SNTB1: variants seen among roughly 807,000 people sequenced by gnomAD.
The protein encoded by SNTB1 is syntrophin beta 1.
SNTB1 carries 36 observed loss-of-function variants against 48.9 expected under a neutral mutation model. The observed-to-expected ratio is 0.74, with a 90% CI of 0.56 to 0.97. The LOEUF is 0.97. SNTB1 is among the 50% of genes least tolerant of loss of function. The pLI is 0.00. For synonymous variants in SNTB1, 299 were observed against 294.6 expected (o/e 1.01, Z -0.15); for missense variants, 786 against 703.4 (o/e 1.12, Z -1.33).
At chr8:120,665,614 T>G (rs2129765199) in intron 2 of SNTB1, among the ~76,000 whole-genome samples, 1 of 152,320 alleles carries the variant, frequency 6.6e-6, no homozygotes, top group Non-Finnish European at 1.5e-5. Context: ...CTTTAGTTAT[T>G]GTGTTTTTGG....
chr8:120,618,206 A>C (rs1380231447), intron 3 of SNTB1, among the ~76,000 whole-genome samples: 1 of 152,154 alleles, frequency 6.6e-6, no homozygotes, highest in Non-Finnish European at 1.5e-5. Context: ...TATGGAAATA[A>C]ATTATAGCAT....
chr8:120,563,339 A>G (rs1815694405), intron 4 of SNTB1, among the ~76,000 whole-genome samples: 1 of 152,096 alleles, frequency 6.6e-6, no homozygotes, highest in Non-Finnish European at 1.5e-5. Context: ...TGGCTAAGCA[A>G]AAAATGTTCT....
At chr8:120,632,371 T>TA in intron 3 of SNTB1, 73 bp downstream of exon 3, 1 of 1,328,762 alleles carries the variant, frequency 7.5e-7, no homozygotes, top group East Asian at 2.4e-5. Context: ...TGGGATGAGA[T>TA]AGTTTTAGTG....
intron 2 of SNTB1, among the ~76,000 whole-genome samples, chr8:120,663,964 C>T (rs567582266): frequency 1.8e-4 from 27 of 152,140 alleles, no homozygotes; most frequent in Non-Finnish European, 3.4e-4. Flanking sequence ...AAATACTGAA[C>T]TCAAAAATTA....
intron 1 of SNTB1, among the ~76,000 whole-genome samples, chr8:120,780,215 CCTT>C (rs1819811341): frequency 6.6e-6 from 1 of 152,198 alleles, no homozygotes; most frequent in Non-Finnish European, 1.5e-5. Context: ...AAACACAACT[CCTT>C]CTACATTTCT....
chr8:120,684,812 A>C (rs1818000742), intron 2 of SNTB1, among the ~76,000 whole-genome samples: 1 of 151,688 alleles, frequency 6.6e-6, no homozygotes, highest in Non-Finnish European at 1.5e-5. Flanking sequence ...CTGCCACCAC[A>C]CCCAGCTAAT....
intron 1 of SNTB1, among the ~76,000 whole-genome samples, chr8:120,740,920 C>T (rs778594824): frequency 6.6e-6 from 1 of 152,172 alleles, no homozygotes; most frequent in Non-Finnish European, 1.5e-5. Context: ...TGATGACAGC[C>T]ATTTCACAGA....
intron 2 of SNTB1, among the ~76,000 whole-genome samples, chr8:120,672,335 T>TACC (rs1817772482): frequency 6.6e-6 from 1 of 152,236 alleles, no homozygotes; most frequent in African/African-American, 2.4e-5. Flanking sequence ...TTTAAAGTGA[T>TACC]ACCCTAGAGC....
chr8:120,808,991 C>T (rs1293003894), intron 1 of SNTB1, among the ~76,000 whole-genome samples: 1 of 152,182 alleles, frequency 6.6e-6, no homozygotes, highest in Non-Finnish European at 1.5e-5. Context: ...TTCAAAGCCT[C>T]TCCTATGTAG....
intron 1 of SNTB1, among the ~76,000 whole-genome samples, chr8:120,806,884 A>G (rs913744551): frequency 2.0e-5 from 3 of 152,156 alleles, no homozygotes; most frequent in Admixed American, 6.5e-5. Flanking sequence ...TATTCCAGAA[A>G]ATCACTGCCC....
At chr8:120,727,655 A>G (rs1265683310) in intron 1 of SNTB1, among the ~76,000 whole-genome samples, 4 of 152,230 alleles carry the variant, frequency 2.6e-5, no homozygotes, top group Admixed American at 2.0e-4. Flanking sequence ...GTTGAAATTT[A>G]GCCAAACTAC....
chr8:120,599,660 C>G (rs72680589), intron 3 of SNTB1, among the ~76,000 whole-genome samples: 2,889 of 152,134 alleles, frequency 0.019, 45 homozygotes, highest in Non-Finnish European at 0.034. Flanking sequence ...ACCCTGAAAT[C>G]TATAATTTGA....
intron 2 of SNTB1, among the ~76,000 whole-genome samples, chr8:120,686,561 G>A (rs113496807): frequency 6.7e-5 from 10 of 148,766 alleles, no homozygotes; most frequent in East Asian, 4.2e-4. Flanking sequence ...ACATTATTAC[G>A]TTAAAGATTA....
chr8:120,739,336 T>C (rs1819004799), intron 1 of SNTB1, among the ~76,000 whole-genome samples: 1 of 152,192 alleles, frequency 6.6e-6, no homozygotes, highest in Admixed American at 6.5e-5. Context: ...TATTTGAGCC[T>C]TTCTGTGGAA....
intron 2 of SNTB1, chr8:120,635,787 AG>A (rs1817065207): frequency 4.5e-6 from 1 of 222,020 alleles, no homozygotes; most frequent in South Asian, 9.3e-5. Context: ...TTTTGATGCC[AG>A]GGTTGCTTTT....
At chr8:120,559,468 G>A (rs1053049288) in intron 4 of SNTB1, among the ~76,000 whole-genome samples, 9 of 152,184 alleles carry the variant, frequency 5.9e-5, no homozygotes, top group Non-Finnish European at 1.3e-4. Flanking sequence ...AATGCCCAAT[G>A]TGATGAATTC....
At position 120,634,852 on chromosome 8, in the gene SNTB1, A is replaced by ATT. The variant is rs11347235; in HGVS notation, c.789-2203_789-2202dup. On this transcript the variant is annotated intron_variant, in intron 2 of 6. Transcript: ENST00000517992. ...GGAACTTTAGCCATAATTAGTATTC[A>ATT]TTTTTTTTTTTTTTTTTGAGACGGA... 3.8e-3 allele frequency among the ~76,000 whole-genome samples: 535 copies of ATT among 139,216 alleles called. 5 individuals are homozygous for ATT. Among genetic ancestry groups the ATT allele is most frequent in the African/African-American group, 0.012 (446 of 37,724 alleles). The allele number at this position is 139,216 out of a possible 152,430, so 91.3% of individuals were successfully genotyped here.
At chr8:120,685,698 C>G (rs1430582844) in intron 2 of SNTB1, among the ~76,000 whole-genome samples, 1 of 152,218 alleles carries the variant, frequency 6.6e-6, no homozygotes, top group Non-Finnish European at 1.5e-5. Flanking sequence ...CTCCAGAACA[C>G]ATTTTTTTCA....
At chr8:120,743,377 C>T (rs1214341330) in intron 1 of SNTB1, among the ~76,000 whole-genome samples, 4 of 152,088 alleles carry the variant, frequency 2.6e-5, no homozygotes, top group Non-Finnish European at 5.9e-5. Flanking sequence ...ACACCCTTTC[C>T]TTTGTTTCTT....
Sources: gnomAD v4.1 joint callset for allele counts (sites outside exome capture counted in the v4.1 genomes callset) on GRCh38, gnomAD v4.1.1 for gene constraint, MANE v1.5 for transcripts, NCBI Gene and HGNC (gene_info 2026-07-23, HGNC 2026-07-21) for gene names.